MACROD1: variants seen among roughly 807,000 people sequenced by gnomAD.
MACROD1 encodes ADP-ribose glycohydrolase MACROD1.
Under a neutral mutation model 41.4 loss-of-function variants are expected in MACROD1, and 31 were observed. The ratio of observed to expected loss-of-function variants is 0.75; its 90% confidence interval spans 0.56 to 1.01. The LOEUF is 1.01. Among genes scored for constraint, MACROD1 ranks in the 50% least tolerant of loss-of-function variants. MACROD1 has a pLI of 0.00. For synonymous variants in MACROD1, 252 were observed against 203.4 expected (o/e 1.24, Z -2.03); for missense variants, 473 against 460.0 (o/e 1.03, Z -0.26).
rs75460030 is a variant in MACROD1 at position 64,120,599 on chromosome 11, C to T, written c.517+30640G>A. Among the ~76,000 whole-genome samples the T allele has an allele frequency of 6.6e-6, 1 of 152,020 alleles. No homozygotes were observed. The highest frequency in any genetic ancestry group is 2.4e-5 in the African/African-American group (1 of 41,376). Reference sequence around the variant, plus strand: ...ACTCGGGAGGCTGAGGCAGGAGAATCGCTTGAACCAGGGAGGCAGAGGCTG... The same window carrying T: ...ACTCGGGAGGCTGAGGCAGGAGAATTGCTTGAACCAGGGAGGCAGAGGCTG... On this transcript the variant is annotated intron_variant, in intron 3 of 10. Coordinates refer to ENST00000255681, the MANE Select transcript of MACROD1 (RefSeq NM_014067.4). This position sits in a 1 kb window ranked among gnomAD's most constrained non-coding sequence, Gnocchi z 4.5.
intron 3 of MACROD1, among the ~76,000 whole-genome samples, chr11:64,025,730 T>G (rs1336936279): frequency 6.6e-6 from 1 of 151,348 alleles, no homozygotes; most frequent in African/African-American, 2.4e-5. Flanking sequence ...CCTTTTTTTT[T>G]TTTTTCAGAC....
chr11:64,083,525 G>A (rs908124585), intron 3 of MACROD1, among the ~76,000 whole-genome samples: 10 of 152,110 alleles, frequency 6.6e-5, no homozygotes, highest in African/African-American at 1.9e-4. Context: ...TTTCCATCCC[G>A]TCTCCCTCCC....
rs550203486 is a variant in MACROD1, at chr11:64,085,450, G to A, written c.517+65789C>T. ...TGGCAGGGAGGCCAGGCCCAACCAC[G>A]GGGCTGCCGGGACCAGGCCATGTGT... On this transcript the variant is annotated intron_variant, in intron 3 of 10. Transcript: ENST00000255681. 1.2e-4 allele frequency among the ~76,000 whole-genome samples: 19 copies of A among 152,358 alleles called. No individual in the cohort carries two copies. The East Asian group carries it at 2.7e-3, about 22-fold the overall frequency.
In MACROD1 at chr11:64,117,411, G is replaced by A. The variant is rs760631744; in HGVS notation, c.517+33828C>T. 1.9e-6 allele frequency: 3 copies of A among 1,612,288 alleles called. No homozygotes were observed. The African/African-American group carries it at 4.0e-5, about 21-fold the overall frequency. ...CGAGATGGACGAGTGTTTTGAGACG[G>A]GGCCGCAGGGCGGCGTGGCCAATGC... On this transcript the variant is annotated intron_variant, in intron 3 of 10. Coordinates refer to ENST00000255681, the MANE Select transcript of MACROD1 (RefSeq NM_014067.4).
chr11:64,008,873 C>G (rs1942957213), intron 4 of MACROD1: 1 of 152,248 alleles, frequency 6.6e-6, no homozygotes, highest in African/African-American at 2.4e-5. Context: ...TCCCTCCCAC[C>G]CATGCCAGGA....
At chr11:64,062,632 CGT>C (rs1427336010) in intron 3 of MACROD1, among the ~76,000 whole-genome samples, 3 of 112,254 alleles carry the variant, frequency 2.7e-5, no homozygotes, top group Non-Finnish European at 5.0e-5. Flanking sequence ...AGCAAAGGCA[CGT>C]GGCCCTGCCT....
chr11:64,132,625 C>T (rs555851977), intron 3 of MACROD1, among the ~76,000 whole-genome samples: 98 of 152,280 alleles, frequency 6.4e-4, no homozygotes, highest in African/African-American at 2.2e-3. Flanking sequence ...CTATTGAGCC[C>T]GCGGTCCTCA....
chr11:64,062,417 C>T lies in MACROD1; in HGVS notation c.518-47136G>A, dbSNP rs937882921. Among the ~76,000 whole-genome samples, 5 of 152,194 alleles carry T rather than the reference C, an allele frequency of 3.3e-5. No homozygotes were observed. In the South Asian group the frequency reaches 1.0e-3, roughly 31 times the overall value. On this transcript the variant is annotated intron_variant, in intron 3 of 10. Transcript: ENST00000255681. ...TTATGTCTGCCTAGCCCTCTGCCCA[C>T]ACCCTGGAACCAACTGGGCATAGGC... is the stretch of plus-strand genomic sequence containing the variant.
intron 3 of MACROD1, among the ~76,000 whole-genome samples, chr11:64,075,301 G>T (rs1022330942): frequency 6.6e-6 from 1 of 152,264 alleles, no homozygotes; most frequent in African/African-American, 2.4e-5. Context: ...CTCCCTCCAG[G>T]TGACATCCCA....
chr11:64,142,536 G>A (rs1018246806), intron 3 of MACROD1, among the ~76,000 whole-genome samples: 4 of 152,058 alleles, frequency 2.6e-5, no homozygotes, highest in Non-Finnish European at 5.9e-5. Context: ...TCTGAGTGCC[G>A]CCCCCCAGCC....
intron 3 of MACROD1, among the ~76,000 whole-genome samples, chr11:64,121,777 C>T (rs1945102190): frequency 6.6e-6 from 1 of 152,156 alleles, no homozygotes; most frequent in Non-Finnish European, 1.5e-5. Context: ...CTCACAGCCT[C>T]TAAGTAGCCA....
chr11:64,039,089 C>T (rs547310876), intron 3 of MACROD1, among the ~76,000 whole-genome samples: 188 of 152,330 alleles, frequency 1.2e-3, no homozygotes, highest in African/African-American at 4.2e-3. Flanking sequence ...CCCTCATCCC[C>T]TGCAGGCAGG....
At chr11:64,012,827 T>C (rs931159300) in intron 4 of MACROD1, among the ~76,000 whole-genome samples, 12 of 150,674 alleles carry the variant, frequency 8.0e-5, no homozygotes, top group Non-Finnish European at 1.2e-4. Flanking sequence ...TGAGCCACCA[T>C]GCCCGGCCCC....
chr11:64,040,162 T>C (rs1015840077), intron 3 of MACROD1, among the ~76,000 whole-genome samples: 12 of 152,194 alleles, frequency 7.9e-5, no homozygotes, highest in African/African-American at 2.9e-4. Context: ...TCCAGTCAGA[T>C]GTGGTGTCAG....
chr11:64,001,656 A>G, intron 4 of MACROD1: 1 of 701,468 alleles, frequency 1.4e-6, no homozygotes, highest in Non-Finnish European at 2.6e-6. Flanking sequence ...CAGAGAGGTT[A>G]GGGGAACGCT....
chr11:64,116,036 G>C (rs1944972801), intron 3 of MACROD1, among the ~76,000 whole-genome samples: 1 of 152,198 alleles, frequency 6.6e-6, no homozygotes, highest in Admixed American at 6.5e-5. Context: ...GACCTCGGCG[G>C]GAGCAATCAC....
chr11:64,143,791 C>CACACACACACACAT (rs1409452854), intron 3 of MACROD1, among the ~76,000 whole-genome samples: 1 of 146,256 alleles, frequency 6.8e-6, no homozygotes, highest in African/African-American at 2.5e-5. Flanking sequence ...CACACACACA[C>CACACACACACACAT]ACACACACAC....
intron 4 of MACROD1, among the ~76,000 whole-genome samples, chr11:64,005,724 G>A (rs1426346565): frequency 1.3e-5 from 2 of 152,252 alleles, no homozygotes; most frequent in East Asian, 1.9e-4. Context: ...CACAGGCAGG[G>A]GATTCCTTTG....
intron 3 of MACROD1, among the ~76,000 whole-genome samples, chr11:64,059,838 C>T (rs1422852481): frequency 6.6e-6 from 1 of 152,216 alleles, no homozygotes; most frequent in Non-Finnish European, 1.5e-5. Flanking sequence ...AGGCCCGCCC[C>T]TAGGCGCTGA....
Sources: gnomAD v4.1 joint callset for allele counts (sites outside exome capture counted in the v4.1 genomes callset) on GRCh38, gnomAD v4.1.1 for gene constraint, Gnocchi (gnomAD v3.1) non-coding constraint, MANE v1.5 for transcripts, NCBI Gene and HGNC (gene_info 2026-07-23, HGNC 2026-07-21) for gene names.